CPEB4: variants seen among roughly 807,000 people sequenced by gnomAD.
CPEB4 encodes cytoplasmic polyadenylation element-binding protein 4.
Under a neutral mutation model 72.5 loss-of-function variants are expected in CPEB4, and 12 were observed. The observed-to-expected ratio is 0.17, with a 90% CI of 0.11 to 0.27. The LOEUF is 0.27. CPEB4 is among the 10% of genes least tolerant of loss of function. The pLI is 1.00. For synonymous variants in CPEB4, 302 were observed against 326.3 expected, an observed-to-expected ratio of 0.93 and a Z score of 0.80; for missense variants, 614 against 908.5, an observed-to-expected ratio of 0.68 and a Z score of 4.17.
At chr5:173,945,185 ATAG>A in intron 5 of CPEB4, 45 bp downstream of exon 5, 1 of 1,522,128 alleles carries the variant, frequency 6.6e-7, no homozygotes, top group Non-Finnish European at 9.0e-7. Context: ...ATGGTGGCAC[ATAG>A]TAGGAAACTC....
At chr5:173,911,273 G>GTTTTTTT (rs199961002) in intron 2 of CPEB4, among the ~76,000 whole-genome samples, 1 of 147,068 alleles carries the variant, frequency 6.8e-6, no homozygotes, top group Non-Finnish European at 1.5e-5. Flanking sequence ...GGGCTTGCAT[G>GTTTTTTT]TTTTTATTTT....
intron 2 of CPEB4, among the ~76,000 whole-genome samples, chr5:173,926,963 A>G (rs1040993753): frequency 6.6e-6 from 1 of 152,058 alleles, no homozygotes; most frequent in South Asian, 2.1e-4. Flanking sequence ...AGCCTGGCCA[A>G]CATGGTGAAA....
intron 2 of CPEB4, among the ~76,000 whole-genome samples, chr5:173,925,111 G>A (rs890812997): frequency 1.6e-4 from 25 of 152,284 alleles, no homozygotes; most frequent in Admixed American, 2.6e-4. Context: ...GGCCTTCTAG[G>A]TAGAGGGAGT....
At chr5:173,927,150 G>GA (rs1035927911) in intron 2 of CPEB4, among the ~76,000 whole-genome samples, 2 of 151,904 alleles carry the variant, frequency 1.3e-5, no homozygotes, top group African/African-American at 4.8e-5. Flanking sequence ...GACTCTGTCT[G>GA]AAAAAATAAA....
chr5:173,952,105 C>T (rs981596185), intron 8 of CPEB4, among the ~76,000 whole-genome samples, 167 bp downstream of exon 8: 1 of 152,124 alleles, frequency 6.6e-6, no homozygotes, highest in African/African-American at 2.4e-5. Flanking sequence ...TGACCTTGGA[C>T]AAATTCCATG....
intron 1 of CPEB4, among the ~76,000 whole-genome samples, chr5:173,907,207 C>G (rs1756472531): frequency 6.6e-6 from 1 of 152,172 alleles, no homozygotes; most frequent in Non-Finnish European, 1.5e-5. Flanking sequence ...GCGGAGGTTG[C>G]AGTGAGCCTA....
Position 173,956,685 on chromosome 5 carries a change from A to T in CPEB4, c.*548A>T, listed in dbSNP as rs888096638. On this transcript the variant is annotated 3_prime_UTR_variant, in exon 10 of 10. Coordinates refer to ENST00000265085, the MANE Select transcript of CPEB4 (RefSeq NM_030627.4). ...TTTTTTAACAGCAATGGAGGAAGTT[A>T]ACAATTTTTAATGGAAAGAGCATGT... The T allele has an allele frequency of 6.7e-5, 10 of 148,770 alleles. No individual in the cohort carries two copies. The highest frequency in any genetic ancestry group is 1.3e-4 in the Non-Finnish European group (9 of 67,542). The allele number at this position is 148,770 out of a possible 1,614,324, so 9.2% of individuals were successfully genotyped here.
In CPEB4 at chr5:173,948,109, AT is replaced by A. The variant is rs1224363295; in HGVS notation, c.1457-1398del. ...TTGAATAAAATAGACCCAAACTGAT[AT>A]CAATAAATGAATAAATCAATGGGAC... On this transcript the variant is annotated intron_variant, in intron 5 of 9. Coordinates refer to ENST00000265085, the MANE Select transcript of CPEB4 (RefSeq NM_030627.4). 4.6e-5 allele frequency among the ~76,000 whole-genome samples: 7 copies of A among 152,202 alleles called. No individual in the cohort carries two copies. The South Asian group carries it at 1.4e-3, about 31-fold the overall frequency.
Position 173,951,773 on chromosome 5 carries a change from C to A in CPEB4, c.1666-51C>A, listed in dbSNP as rs574320511. On this transcript the variant is annotated intron_variant, in intron 7 of 9. Transcript: ENST00000265085. ...TGTAATAATTGTTAACTTTTTTGCC[C>A]ATGAATTGTCTGTATTGAGAATGAG... 3.9e-4 allele frequency: 404 copies of A among 1,039,968 alleles called. 5 individuals carry two copies. The South Asian group carries it at 5.0e-3, about 13-fold the overall frequency. The allele number at this position is 1,039,968 out of a possible 1,614,324, so 64.4% of individuals were successfully genotyped here.
At chr5:173,936,812 T>C (rs1197455498) in intron 3 of CPEB4, among the ~76,000 whole-genome samples, 2 of 132,704 alleles carry the variant, frequency 1.5e-5, no homozygotes, top group East Asian at 2.0e-4. Flanking sequence ...TTGTGCATTA[T>C]ACTTTTTTTT....
intron 2 of CPEB4, among the ~76,000 whole-genome samples, chr5:173,922,300 G>T (rs1210888812): frequency 6.6e-6 from 1 of 151,912 alleles, no homozygotes; most frequent in African/African-American, 2.4e-5. Context: ...GCACAATCTT[G>T]GCTCACTGCA....
intron 3 of CPEB4, among the ~76,000 whole-genome samples, chr5:173,937,065 A>G (rs1289037886): frequency 1.6e-5 from 2 of 121,532 alleles, no homozygotes; most frequent in Non-Finnish European, 3.2e-5. Flanking sequence ...TTCTGGACTG[A>G]TCCAGACTCC....
chr5:173,905,016 T>TA (rs201844730), intron 1 of CPEB4, among the ~76,000 whole-genome samples: 3 of 79,518 alleles, frequency 3.8e-5, no homozygotes, highest in Non-Finnish European at 7.7e-5. Flanking sequence ...ATAATAATAA[T>TA]AAAAAAATGT....
intron 2 of CPEB4, among the ~76,000 whole-genome samples, chr5:173,911,265 G>T (rs1456895161): frequency 6.6e-6 from 1 of 151,118 alleles, no homozygotes; most frequent in Non-Finnish European, 1.5e-5. Flanking sequence ...TGGGGTGCGG[G>T]CTTGCATGTT....
intron 2 of CPEB4, among the ~76,000 whole-genome samples, chr5:173,915,378 C>CT (rs1470690798): frequency 6.6e-6 from 1 of 152,026 alleles, no homozygotes; most frequent in Non-Finnish European, 1.5e-5. Flanking sequence ...GGATTTAGCT[C>CT]TTTGTGCGGT....
chr5:173,899,189 G>C (rs1249183830), intron 1 of CPEB4, among the ~76,000 whole-genome samples: 1 of 152,138 alleles, frequency 6.6e-6, no homozygotes. Flanking sequence ...GAATAGTCTA[G>C]TGAACTCCCA....
chr5:173,920,310 A>G (rs1581134688), intron 2 of CPEB4, among the ~76,000 whole-genome samples: 3 of 152,232 alleles, frequency 2.0e-5, no homozygotes, highest in East Asian at 1.9e-4. Flanking sequence ...GAATCAACCA[A>G]TTAGAGCCCC....
intron 2 of CPEB4, among the ~76,000 whole-genome samples, chr5:173,914,987 C>T (rs186715217): frequency 1.3e-5 from 2 of 152,092 alleles, no homozygotes; most frequent in South Asian, 2.1e-4. Flanking sequence ...GTGTTTAATA[C>T]GGCCTAAAAT....
chr5:173,953,261 A>G lies in CPEB4; in HGVS notation c.1951A>G (p.Ile651Val). 2 of 1,595,680 alleles carry G rather than the reference A, an allele frequency of 1.3e-6. No homozygotes were observed. The highest frequency in any genetic ancestry group is 2.2e-5 in the East Asian group (1 of 44,672). Residue 651 changes from isoleucine to valine, a missense_variant, in exon 9 of 10, where the codon ATA (isoleucine) becomes GTA (valine). By Grantham distance (29) the Ile-to-Val change is conservative. Around this residue, in one of 5 missense-constraint regions of CPEB4, gnomAD observed 101 missense variants for 243.1 expected, o/e 0.42. Coordinates refer to ENST00000265085, the MANE Select transcript of CPEB4 (RefSeq NM_030627.4). ...ARFVQLQHGEIDKRVEVKPYV... is the reference protein window; with the variant it reads ...ARFVQLQHGEVDKRVEVKPYV... ...CTTTGTTCAGCTGCAGCATGGAGAG[A>G]TAGATAAACGGGTAAGCCTTATACT...
Sources: allele counts gnomAD v4.1 joint callset (sites outside exome capture counted in the v4.1 genomes callset), GRCh38; gene constraint gnomAD v4.1.1; regional missense constraint gnomAD v4.1.1; transcripts MANE v1.5; gene names NCBI Gene and HGNC (gene_info 2026-07-23, HGNC 2026-07-21).